Variants in COL4A6 observed in about 807,000 individuals in gnomAD.
COL4A6 encodes collagen type IV alpha 6 chain.
Under a neutral mutation model 126.7 loss-of-function variants are expected in COL4A6, and 59 were observed. The ratio of observed to expected loss-of-function variants is 0.47; its 90% CI spans 0.38 to 0.58. The LOEUF is 0.58. COL4A6 is among the 20% of genes least tolerant of loss of function. COL4A6 has a pLI of 0.00. For missense variants in COL4A6, 1,285 were observed against 1,337.3 expected (o/e 0.96, Z 0.61); for synonymous variants, 547 against 496.6 (o/e 1.10, Z -1.35).
chrX:108,178,838 G>A lies in COL4A6; in HGVS notation c.2361C>T (p.His787=), dbSNP rs375971196. The A allele has an allele frequency of 6.0e-5, 72 of 1,204,170 alleles. No homozygotes were observed. The Middle Eastern group carries it at 6.9e-4, about 12-fold the overall frequency. ...TGGGGCCTAGTAAGCCAGGCTTCCC[G>A]TGCACACCTGATAAAAGAAAAGGGC... ...DSGLPGLKGV[H]GKPGLLGPKG... is the part of the protein sequence containing the mutation. The change falls in exon 27 of 45, where the codon CAC becomes CAT. Residue 787 remains histidine (H), a synonymous_variant. Coordinates refer to ENST00000334504, the MANE Select transcript of COL4A6 (RefSeq NM_033641.4).
At chrX:108,383,433 C>A in intron 2 of COL4A6, 1 of 498,160 alleles carries the variant, frequency 2.0e-6, no homozygotes, top group Non-Finnish European at 3.8e-6. Flanking sequence ...GCTTCCTGGG[C>A]TATCCCTGTG....
intron 3 of COL4A6, among the ~76,000 whole-genome samples, chrX:108,284,414 C>G (rs1269614812): frequency 9.0e-6 from 1 of 111,232 alleles, no homozygotes; most frequent in Admixed American, 9.6e-5. Flanking sequence ...ACCTATGTAA[C>G]AAACCTGCAT....
chrX:108,221,073 G>A (rs1179913491), intron 4 of COL4A6, 167 bp downstream of exon 4: 4 of 631,887 alleles, frequency 6.3e-6, no homozygotes, highest in Non-Finnish European at 1.0e-5. Context: ...ACTCCAGCCT[G>A]GGCAACAGGG....
intron 2 of COL4A6, among the ~76,000 whole-genome samples, chrX:108,352,543 C>A (rs2148038356): frequency 8.9e-6 from 1 of 112,183 alleles, no homozygotes; most frequent in Non-Finnish European, 1.9e-5. Context: ...CTCATTTAAT[C>A]CTCACCACAT....
intron 2 of COL4A6, among the ~76,000 whole-genome samples, chrX:108,359,414 T>G (rs1308987285): frequency 8.9e-6 from 1 of 112,879 alleles, no homozygotes; most frequent in Non-Finnish European, 1.9e-5. Context: ...TCAGGCAAGC[T>G]GCAATTGCAG....
intron 3 of COL4A6, among the ~76,000 whole-genome samples, chrX:108,299,292 C>T (rs1444161951): frequency 8.9e-6 from 1 of 111,860 alleles, no homozygotes; most frequent in African/African-American, 3.3e-5. Context: ...ACGTTTAACC[C>T]CTGGCTTCCT....
intron 3 of COL4A6, among the ~76,000 whole-genome samples, chrX:108,258,624 T>A (rs1259585516): frequency 8.9e-6 from 1 of 112,075 alleles, no homozygotes; most frequent in Non-Finnish European, 1.9e-5. Flanking sequence ...TCAGTGGGAA[T>A]GTTCAGCAGC....
chrX:108,321,645 G>C (rs1175141816), intron 2 of COL4A6, among the ~76,000 whole-genome samples: 2 of 110,830 alleles, frequency 1.8e-5, no homozygotes, highest in Non-Finnish European at 3.8e-5. Context: ...TCATTTGCTA[G>C]TTAAGTGACA....
chrX:108,327,419 T>G (rs1603095840), intron 2 of COL4A6, among the ~76,000 whole-genome samples: 1 of 83,425 alleles, frequency 1.2e-5, no homozygotes. Context: ...ATGTCAGCAG[T>G]CCCCAACCGG....
chrX:108,251,759 T>C (rs764293345), intron 3 of COL4A6, among the ~76,000 whole-genome samples: 252 of 111,866 alleles, frequency 2.3e-3, no homozygotes, highest in Non-Finnish European at 3.9e-3. Flanking sequence ...ACAAGTTTTA[T>C]GCTGGTCAAT....
chrX:108,236,982 C>T (rs1040481864), intron 3 of COL4A6, among the ~76,000 whole-genome samples: 30 of 111,803 alleles, frequency 2.7e-4, no homozygotes, highest in African/African-American at 9.4e-4. Context: ...TCTTGTCTCT[C>T]TCATGGTGAC....
At chrX:108,160,423 G>A in intron 43 of COL4A6, 40 bp downstream of exon 43, 1 of 1,149,086 alleles carries the variant, frequency 8.7e-7, no homozygotes. Flanking sequence ...GTGTTTGTGG[G>A]GACAGGTGAC....
chrX:108,245,725 G>T (rs745389074), intron 3 of COL4A6, among the ~76,000 whole-genome samples: 1 of 111,786 alleles, frequency 8.9e-6, no homozygotes, highest in East Asian at 2.8e-4. Flanking sequence ...AATGACTTTG[G>T]CTACTGTCAG....
intron 2 of COL4A6, among the ~76,000 whole-genome samples, chrX:108,437,276 C>T (rs1603239239): frequency 8.9e-6 from 1 of 111,948 alleles, no homozygotes; most frequent in African/African-American, 3.2e-5. Flanking sequence ...ATTTCTTTAC[C>T]TGCAGTCCCT....
At chrX:108,298,450 T>A (rs1479568866) in intron 3 of COL4A6, among the ~76,000 whole-genome samples, 1 of 111,809 alleles carries the variant, frequency 8.9e-6, no homozygotes, top group Admixed American at 9.3e-5. Context: ...CCGCCTGGCC[T>A]CCGGGCCCTC....
chrX:108,229,121 A>C (rs977429369), intron 3 of COL4A6, among the ~76,000 whole-genome samples: 10 of 112,244 alleles, frequency 8.9e-5, no homozygotes, highest in African/African-American at 3.2e-4. Context: ...AGAATAACCT[A>C]CAAAAATTTA....
intron 3 of COL4A6, among the ~76,000 whole-genome samples, chrX:108,298,931 C>T (rs778964467): frequency 1.8e-5 from 2 of 111,147 alleles, no homozygotes; most frequent in East Asian, 5.7e-4. Context: ...ATTTCTTACT[C>T]TGGTACCAAT....
chrX:108,290,935 G>T (rs1219332890), intron 3 of COL4A6, among the ~76,000 whole-genome samples: 1 of 112,188 alleles, frequency 8.9e-6, no homozygotes, highest in African/African-American at 3.2e-5. Context: ...GATCACATAG[G>T]GCCTTCCAAA....
intron 2 of COL4A6, among the ~76,000 whole-genome samples, chrX:108,316,655 CTA>C (rs1424049040): frequency 3.6e-5 from 4 of 111,899 alleles, no homozygotes; most frequent in African/African-American, 1.3e-4. Flanking sequence ...GCTCAGAAAT[CTA>C]TGTTTTAACA....
Sources: gnomAD v4.1 joint callset for allele counts (sites outside exome capture counted in the v4.1 genomes callset) on GRCh38, gnomAD v4.1.1 for gene constraint, MANE v1.5 for transcripts, NCBI Gene and HGNC (gene_info 2026-07-23, HGNC 2026-07-21) for gene names.